Variants in GPR39 observed in about 807,000 individuals in gnomAD.
GPR39 encodes the protein G protein-coupled receptor 39.
A neutral mutation model predicts 18.4 loss-of-function variants in GPR39; 23 were observed. The ratio of observed to expected loss-of-function variants is 1.25; its 90% CI spans 0.90 to 1.77. GPR39 has a LOEUF of 1.77. Ranked by LOEUF, GPR39 falls within the 40% of genes most tolerant of loss-of-function variation. The probability of loss-of-function intolerance (pLI) is 0.00; values close to 1 mark genes in which losing one functional copy is unlikely to be tolerated. For missense variants in GPR39, 647 were observed against 602.4 expected, an observed-to-expected ratio of 1.07 and a Z score of -0.78; for synonymous variants, 280 against 257.9, an observed-to-expected ratio of 1.09 and a Z score of -0.82.
chr2:132,607,712 A>G (rs16837995), intron 1 of GPR39, among the ~76,000 whole-genome samples: 2,931 of 152,320 alleles, frequency 0.019, 91 homozygotes, highest in African/African-American at 0.067. Context: ...CAATTTCAAC[A>G]TAGAACTCCA....
intron 1 of GPR39, among the ~76,000 whole-genome samples, chr2:132,436,674 A>C (rs184179034): frequency 6.6e-6 from 1 of 152,144 alleles, no homozygotes; most frequent in Non-Finnish European, 1.5e-5. Flanking sequence ...TATTCAGCTT[A>C]GTAAAGAGCC....
intron 1 of GPR39, among the ~76,000 whole-genome samples, chr2:132,573,227 C>CAAAG (rs1680473447): frequency 6.6e-6 from 1 of 152,166 alleles, no homozygotes; most frequent in East Asian, 1.9e-4. Flanking sequence ...ATACTGTTTT[C>CAAAG]AAAGATTTGG....
At chr2:132,451,460 CAATA>C (rs1350195200) in intron 1 of GPR39, among the ~76,000 whole-genome samples, 1 of 152,112 alleles carries the variant, frequency 6.6e-6, no homozygotes, top group Non-Finnish European at 1.5e-5. Context: ...ATTAGGCACT[CAATA>C]AATATTCATT....
chr2:132,590,461 C>A (rs1680806758), intron 1 of GPR39, among the ~76,000 whole-genome samples: 1 of 152,018 alleles, frequency 6.6e-6, no homozygotes, highest in Admixed American at 6.6e-5. Flanking sequence ...AAGCACTCAG[C>A]CCCTGTTTCT....
intron 1 of GPR39, among the ~76,000 whole-genome samples, chr2:132,474,500 CTG>C (rs1483446092): frequency 1.4e-4 from 21 of 152,180 alleles, no homozygotes; most frequent in Admixed American, 1.4e-3. Context: ...GGTGAGGGGA[CTG>C]TGATTTTCTG....
chr2:132,487,627 T>C (rs1242781256), intron 1 of GPR39, among the ~76,000 whole-genome samples: 1 of 152,066 alleles, frequency 6.6e-6, no homozygotes, highest in African/African-American at 2.4e-5. Flanking sequence ...GAAATGAAAA[T>C]TATAATAGTC....
chr2:132,496,576 C>T (rs912381860), intron 1 of GPR39, among the ~76,000 whole-genome samples: 7 of 148,754 alleles, frequency 4.7e-5, no homozygotes, highest in Non-Finnish European at 9.0e-5. Context: ...GATTTCAGAC[C>T]TTGGCTAAGC....
intron 1 of GPR39, among the ~76,000 whole-genome samples, chr2:132,479,094 C>T (rs1238545175): frequency 6.6e-6 from 1 of 152,188 alleles, no homozygotes; most frequent in Non-Finnish European, 1.5e-5. Context: ...AAATTGCAGG[C>T]ATTTTGATGG....
intron 1 of GPR39, among the ~76,000 whole-genome samples, chr2:132,502,161 T>A (rs1295695829): frequency 6.6e-6 from 1 of 152,146 alleles, no homozygotes; most frequent in Non-Finnish European, 1.5e-5. Context: ...TGTGTTATTG[T>A]TATATAGGTC....
At chr2:132,614,923 C>T (rs1681306551) in intron 1 of GPR39, among the ~76,000 whole-genome samples, 1 of 152,152 alleles carries the variant, frequency 6.6e-6, no homozygotes, top group South Asian at 2.1e-4. Context: ...ATAATCAAGA[C>T]CACATCATCT....
intron 1 of GPR39, among the ~76,000 whole-genome samples, chr2:132,565,299 T>A (rs954995261): frequency 2.0e-5 from 3 of 151,940 alleles, no homozygotes; most frequent in Admixed American, 2.0e-4. Context: ...GAAACATCGC[T>A]CAAGTTGCAG....
At chr2:132,584,020 G>A (rs1007662245) in intron 1 of GPR39, among the ~76,000 whole-genome samples, 2 of 152,052 alleles carry the variant, frequency 1.3e-5, no homozygotes, top group Non-Finnish European at 2.9e-5. Context: ...ACCTTTCTAG[G>A]GAGGGAAAGT....
rs72847384 is a variant in GPR39, at chr2:132,467,970, C to G, written c.856+50072C>G. Among the ~76,000 whole-genome samples the G allele has an allele frequency of 2.6e-3, 398 of 152,318 alleles. 2 individuals are homozygous for G. The highest frequency in any genetic ancestry group is 7.1e-3 in the Admixed American group (108 of 15,302). The stretch of plus-strand genomic sequence containing the variant: ...ATAAAATCTGGTTGTTAAATTCCAC[C>G]CTTTTCTCATTCTCCCTCAAGGGTC... On this transcript the variant is annotated intron_variant, in intron 1 of 1. Coordinates refer to ENST00000329321, the MANE Select transcript of GPR39 (RefSeq NM_001508.3).
intron 1 of GPR39, among the ~76,000 whole-genome samples, chr2:132,614,717 A>AT (rs1023724473): frequency 4.6e-5 from 7 of 151,330 alleles, no homozygotes; most frequent in South Asian, 2.1e-4. Context: ...CACCAGGCTA[A>AT]TTTTTTTTAT....
At chr2:132,442,819 C>T (rs1573604444) in intron 1 of GPR39, among the ~76,000 whole-genome samples, 1 of 152,128 alleles carries the variant, frequency 6.6e-6, no homozygotes, top group East Asian at 1.9e-4. Context: ...CCAACACTTG[C>T]ACATGGTGAC....
intron 1 of GPR39, among the ~76,000 whole-genome samples, chr2:132,444,386 G>A (rs902095602): frequency 6.6e-6 from 1 of 152,024 alleles, no homozygotes; most frequent in African/African-American, 2.4e-5. Context: ...CAACTCTTGG[G>A]CTCAAGCCGT....
intron 1 of GPR39, among the ~76,000 whole-genome samples, chr2:132,642,319 G>T (rs752986337): frequency 6.6e-6 from 1 of 152,150 alleles, no homozygotes; most frequent in Non-Finnish European, 1.5e-5. Flanking sequence ...GTGACTCTGA[G>T]TTGGTTTTCT....
In GPR39 at chr2:132,524,813, A is replaced by G. The variant is rs536456591; in HGVS notation, c.856+106915A>G. Among the ~76,000 whole-genome samples, 3 of 152,368 alleles carry G rather than the reference A, an allele frequency of 2.0e-5. No homozygotes were observed. In the South Asian group the frequency reaches 6.2e-4, roughly 32 times the overall value. The stretch of plus-strand genomic sequence containing the variant: ...ATTATTACATGTACTCAGAAGTCAC[A>G]CTATCACATGTTACTGTGTTGTCAC... On this transcript the variant is annotated intron_variant, in intron 1 of 1. Coordinates refer to ENST00000329321, the MANE Select transcript of GPR39 (RefSeq NM_001508.3).
At chr2:132,431,308 G>A (rs1680220700) in intron 1 of GPR39, among the ~76,000 whole-genome samples, 1 of 152,212 alleles carries the variant, frequency 6.6e-6, no homozygotes, top group Non-Finnish European at 1.5e-5. Flanking sequence ...CTTAAGCCAG[G>A]ACTCCTTATT....
Sources: allele counts gnomAD v4.1 joint callset (sites outside exome capture counted in the v4.1 genomes callset), GRCh38; gene constraint gnomAD v4.1.1; transcripts MANE v1.5; gene names NCBI Gene and HGNC (gene_info 2026-07-23, HGNC 2026-07-21).